Variants in CHRM3 observed in about 807,000 individuals in gnomAD.
CHRM3 encodes cholinergic receptor muscarinic 3.
In CHRM3, 11 loss-of-function variants were observed where a neutral mutation model predicts 41.8. The observed-to-expected ratio is 0.26, with a 90% confidence interval of 0.17 to 0.44. The LOEUF (loss-of-function observed/expected upper bound fraction) is 0.44, where lower values mean the gene tolerates loss of function less well. CHRM3 is among the 20% of genes least tolerant of loss of function. The pLI, the probability that CHRM3 is intolerant of heterozygous loss-of-function variation, is 1.00. For synonymous variants in CHRM3, 297 were observed against 301.4 expected (o/e 0.99, Z 0.15); for missense variants, 571 against 745.4 (o/e 0.77, Z 2.72).
intron 4 of CHRM3, among the ~76,000 whole-genome samples, chr1:239,662,861 TCTC>T (rs1184589359): frequency 6.7e-6 from 1 of 149,436 alleles, no homozygotes; most frequent in Admixed American, 6.7e-5. Flanking sequence ...TCCTTCTCCT[TCTC>T]CTTTCTCCTC....
chr1:239,775,393 C>A (rs564731405), intron 5 of CHRM3, among the ~76,000 whole-genome samples: 2 of 152,126 alleles, frequency 1.3e-5, no homozygotes, highest in African/African-American at 4.8e-5. Flanking sequence ...GGGAGGAATT[C>A]TTCAGTTTTC....
chr1:239,463,210 C>A (rs781025166), intron 1 of CHRM3, among the ~76,000 whole-genome samples: 36 of 152,112 alleles, frequency 2.4e-4, no homozygotes, highest in Non-Finnish European at 4.7e-4. Context: ...GAATAAATAA[C>A]CAGTGAGTAT....
chr1:239,765,052 A>G (rs1390896770), intron 5 of CHRM3, among the ~76,000 whole-genome samples: 1 of 152,232 alleles, frequency 6.6e-6, no homozygotes, highest in Non-Finnish European at 1.5e-5. Flanking sequence ...GACTTACAAC[A>G]GTGTGAAAAT....
At chr1:239,652,609 C>G (rs1315288374) in intron 4 of CHRM3, among the ~76,000 whole-genome samples, 1 of 151,484 alleles carries the variant, frequency 6.6e-6, no homozygotes, top group Non-Finnish European at 1.5e-5. Flanking sequence ...CCTTTTTTCT[C>G]TATTTTCTCA....
intron 4 of CHRM3, among the ~76,000 whole-genome samples, chr1:239,651,528 C>T (rs1672237607): frequency 6.6e-6 from 1 of 152,176 alleles, no homozygotes; most frequent in Non-Finnish European, 1.5e-5. Flanking sequence ...TTGGCTAAGA[C>T]AGTGTGCAGG....
At chr1:239,702,616 C>CTT (rs1660788306) in intron 5 of CHRM3, among the ~76,000 whole-genome samples, 1 of 152,080 alleles carries the variant, frequency 6.6e-6, no homozygotes, top group Admixed American at 6.5e-5. Context: ...TTGCTTTTTT[C>CTT]TTTTTCTTCA....
chr1:239,452,497 A>T (rs995972099), intron 1 of CHRM3, among the ~76,000 whole-genome samples: 2 of 152,220 alleles, frequency 1.3e-5, no homozygotes, highest in African/African-American at 4.8e-5. Context: ...CAGGATTCTA[A>T]GTATGTTCTA....
At chr1:239,516,037 TTC>T (rs1487925730) in intron 2 of CHRM3, among the ~76,000 whole-genome samples, 1 of 152,086 alleles carries the variant, frequency 6.6e-6, no homozygotes, top group Non-Finnish European at 1.5e-5. Flanking sequence ...CTCTTTCTCT[TTC>T]TCTCTCTCTG....
intron 6 of CHRM3, among the ~76,000 whole-genome samples, chr1:239,904,795 G>T (rs1317101116): frequency 6.6e-6 from 1 of 152,156 alleles, no homozygotes; most frequent in African/African-American, 2.4e-5. Flanking sequence ...AGAATATTTT[G>T]TGTTATTCCT....
At chr1:239,777,402 A>G (rs1199058688) in intron 5 of CHRM3, among the ~76,000 whole-genome samples, 1 of 152,242 alleles carries the variant, frequency 6.6e-6, no homozygotes, top group Non-Finnish European at 1.5e-5. Flanking sequence ...ATGTTTAATA[A>G]GCTTAATAAC....
At chr1:239,712,234 T>C (rs777909624) in intron 5 of CHRM3, among the ~76,000 whole-genome samples, 30 of 152,334 alleles carry the variant, frequency 2.0e-4, no homozygotes, top group South Asian at 6.2e-4. Context: ...CCCGATCAAT[T>C]TCAGGTAACT....
chr1:239,490,560 G>T (rs1025577957), intron 1 of CHRM3, among the ~76,000 whole-genome samples: 2 of 151,772 alleles, frequency 1.3e-5, no homozygotes, highest in Admixed American at 6.6e-5. Flanking sequence ...TCTTTTATTA[G>T]TATTATTATT....
At chr1:239,583,484 G>A (rs1270513476) in intron 3 of CHRM3, among the ~76,000 whole-genome samples, 2 of 152,166 alleles carry the variant, frequency 1.3e-5, no homozygotes, top group African/African-American at 4.8e-5. Context: ...AGACAATGTA[G>A]TTGGGAAGAC....
At chr1:239,482,618 T>C (rs1553309904) in intron 1 of CHRM3, among the ~76,000 whole-genome samples, 3 of 152,176 alleles carry the variant, frequency 2.0e-5, no homozygotes, top group Non-Finnish European at 4.4e-5. Context: ...CTTCTCTGAC[T>C]TCCCATACCT....
rs2148558380 is a variant in CHRM3, at chr1:239,748,578, A to G, written c.-147+70290A>G. On this transcript the variant is annotated intron_variant, in intron 5 of 6. Coordinates refer to ENST00000676153, the MANE Select transcript of CHRM3 (RefSeq NM_001375978.1). The surrounding 1 kb of genome is among the most constrained non-coding windows in gnomAD (Gnocchi z 4.3). ...GCAGAAGCTGATTTCTAGGTCAGAA[A>G]AATTTAAACTACGAAGTTATTAACC... Among the ~76,000 whole-genome samples the G allele has an allele frequency of 6.6e-6, 1 of 152,344 alleles. No homozygotes were observed. The highest frequency in any genetic ancestry group is 2.1e-4 in the South Asian group (1 of 4,828).
In CHRM3 at chr1:239,914,290, T is replaced by C. The variant is rs1680529044; in HGVS notation, c.*5066T>C. The C allele has an allele frequency of 6.0e-6, 1 of 167,112 alleles. No homozygotes were observed. Among genetic ancestry groups the C allele is most frequent in the African/African-American group, 2.4e-5 (1 of 41,456 alleles). 10.4% of individuals were successfully genotyped at this position (167,112 alleles called of 1,614,324 possible). ...TATTCATCACTCTGTATCCTGTGGCTCACACAGAATCTGGCAAATTGCATA... is the reference window on the plus strand; with the variant it reads ...TATTCATCACTCTGTATCCTGTGGCCCACACAGAATCTGGCAAATTGCATA... On this transcript the variant is annotated 3_prime_UTR_variant, in exon 7 of 7. Coordinates refer to ENST00000676153, the MANE Select transcript of CHRM3 (RefSeq NM_001375978.1).
chr1:239,522,244 T>C (rs1669697536), intron 2 of CHRM3, among the ~76,000 whole-genome samples: 1 of 152,194 alleles, frequency 6.6e-6, no homozygotes, highest in Non-Finnish European at 1.5e-5. Context: ...TAGGGAGTTG[T>C]AGATACCATG....
chr1:239,673,859 C>A (rs1657666950), intron 4 of CHRM3, among the ~76,000 whole-genome samples: 1 of 152,106 alleles, frequency 6.6e-6, no homozygotes, highest in African/African-American at 2.4e-5. Context: ...CAAATAGTTT[C>A]TATTATTCAC....
At chr1:239,608,430 A>G (rs1572903405) in intron 3 of CHRM3, among the ~76,000 whole-genome samples, 2 of 152,322 alleles carry the variant, frequency 1.3e-5, no homozygotes, top group African/African-American at 4.8e-5. Flanking sequence ...GAATTTCTAA[A>G]AAGAGCTGTT....
Sources: allele counts gnomAD v4.1 joint callset (sites outside exome capture counted in the v4.1 genomes callset), GRCh38; gene constraint gnomAD v4.1.1; non-coding constraint Gnocchi (gnomAD v3.1); transcripts MANE v1.5; gene names NCBI Gene and HGNC (gene_info 2026-07-23, HGNC 2026-07-21).